FSTL4: variants seen among roughly 807,000 people sequenced by gnomAD.
FSTL4 encodes the protein follistatin-related protein 4.
Under a neutral mutation model 78.2 loss-of-function variants are expected in FSTL4, and 28 were observed. That is an observed-to-expected ratio of 0.36 (90% CI 0.27 to 0.49). The LOEUF (loss-of-function observed/expected upper bound fraction) is 0.49. FSTL4 is among the 20% of genes least tolerant of loss of function. FSTL4 has a pLI of 0.98. For missense variants in FSTL4, 922 were observed against 1,084.9 expected, an observed-to-expected ratio of 0.85 and a Z score of 2.11; for synonymous variants, 422 against 440.5, an observed-to-expected ratio of 0.96 and a Z score of 0.53.
intron 6 of FSTL4, among the ~76,000 whole-genome samples, chr5:133,312,222 G>A (rs1753801832): frequency 6.6e-6 from 1 of 152,122 alleles, no homozygotes; most frequent in African/African-American, 2.4e-5. Flanking sequence ...GGTAGTCACT[G>A]CTCCCTGCCG....
intron 3 of FSTL4, among the ~76,000 whole-genome samples, chr5:133,460,828 C>T (rs535448898): frequency 7.2e-5 from 11 of 152,378 alleles, no homozygotes; most frequent in African/African-American, 2.6e-4. Flanking sequence ...CCTTCCAACT[C>T]TTGCATGCTC....
chr5:133,358,970 G>C (rs1476897656), intron 4 of FSTL4, among the ~76,000 whole-genome samples: 1 of 152,172 alleles, frequency 6.6e-6, no homozygotes, highest in African/African-American at 2.4e-5. Flanking sequence ...CCAACATGCA[G>C]AGTGAGCATT....
At chr5:133,517,422 CAAAA>C (rs34374583) in intron 3 of FSTL4, among the ~76,000 whole-genome samples, 5 of 10,606 alleles carry the variant, frequency 4.7e-4, no homozygotes, top group African/African-American at 1.5e-3. Context: ...GACTCCATCT[CAAAA>C]AAAAAAAAAA....
chr5:133,791,278 G>GCA, the FSTL4 span, among the ~76,000 whole-genome samples: 26,043 of 148,670 alleles, frequency 0.18, 2,198 homozygotes, highest in African/African-American at 0.18. Context: ...ACATGTGCGT[G>GCA]CACACACACA....
At chr5:133,500,362 G>C (rs1758467495) in intron 3 of FSTL4, among the ~76,000 whole-genome samples, 3 of 152,172 alleles carry the variant, frequency 2.0e-5, no homozygotes, top group Admixed American at 1.3e-4. Flanking sequence ...ACTTGGGCCT[G>C]TCACCCTGCC....
chr5:133,420,325 C>T (rs534728026), intron 3 of FSTL4, among the ~76,000 whole-genome samples: 16 of 152,300 alleles, frequency 1.1e-4, no homozygotes, highest in Non-Finnish European at 4.4e-5. Context: ...ATGGTATATA[C>T]ATGTGCTGAA....
intron 3 of FSTL4, among the ~76,000 whole-genome samples, chr5:133,560,351 C>G (rs372871312): frequency 1.2e-4 from 19 of 152,256 alleles, no homozygotes; most frequent in East Asian, 9.7e-4. Flanking sequence ...CACCAGTGCT[C>G]AGAAAGCCCC....
intron 3 of FSTL4, among the ~76,000 whole-genome samples, chr5:133,487,417 T>G (rs1244797494): frequency 6.6e-6 from 1 of 152,198 alleles, no homozygotes; most frequent in Non-Finnish European, 1.5e-5. Context: ...ACTCTGAGGT[T>G]CAGCATCACT....
intron 2 of FSTL4, among the ~76,000 whole-genome samples, chr5:133,593,432 C>T (rs1044492914): frequency 2.0e-5 from 3 of 152,002 alleles, no homozygotes; most frequent in African/African-American, 7.2e-5. Context: ...AAGGAGGGGG[C>T]TGGTGGAGGT....
intron 3 of FSTL4, among the ~76,000 whole-genome samples, chr5:133,481,155 G>A (rs1286874950): frequency 6.6e-6 from 1 of 152,210 alleles, no homozygotes; most frequent in Non-Finnish European, 1.5e-5. Flanking sequence ...CATGAGCAGT[G>A]AGCATGTTGC....
At chr5:133,777,764 G>C in the FSTL4 span, among the ~76,000 whole-genome samples, 1 of 152,202 alleles carries the variant, frequency 6.6e-6, no homozygotes. Flanking sequence ...AGCATTAATA[G>C]TAGATCCTAA....
At chr5:133,660,236 A>T in the FSTL4 span, among the ~76,000 whole-genome samples, 1 of 152,052 alleles carries the variant, frequency 6.6e-6, no homozygotes, top group South Asian at 2.1e-4. Context: ...GAAGAAGGAG[A>T]CCCTCTCCTT....
chr5:133,796,026 C>T, the FSTL4 span, among the ~76,000 whole-genome samples: 1 of 152,206 alleles, frequency 6.6e-6, no homozygotes, highest in African/African-American at 2.4e-5. Flanking sequence ...GGTCACTAGT[C>T]CTTCTGCTCT....
At chr5:133,602,347 G>C (rs1173930276) in intron 2 of FSTL4, among the ~76,000 whole-genome samples, 1 of 152,138 alleles carries the variant, frequency 6.6e-6, no homozygotes, top group East Asian at 1.9e-4. Flanking sequence ...CAAAGAATTA[G>C]GGTGTTAACA....
intron 3 of FSTL4, among the ~76,000 whole-genome samples, chr5:133,499,572 C>A (rs771995153): frequency 6.6e-6 from 1 of 152,184 alleles, no homozygotes; most frequent in Non-Finnish European, 1.5e-5. Flanking sequence ...GGTTGCAGTT[C>A]AGCTGAAATG....
intron 3 of FSTL4, among the ~76,000 whole-genome samples, chr5:133,525,979 G>C (rs890553113): frequency 6.6e-6 from 1 of 152,132 alleles, no homozygotes; most frequent in Non-Finnish European, 1.5e-5. Context: ...TGGGTGCTAG[G>C]GTCATGGGGG....
the FSTL4 span, among the ~76,000 whole-genome samples, chr5:133,752,596 C>A: frequency 1.8e-3 from 268 of 151,852 alleles, 1 homozygote; most frequent in Non-Finnish European, 3.3e-3. Flanking sequence ...GGCGACAGAG[C>A]GAGGCTCTGT....
intron 4 of FSTL4, among the ~76,000 whole-genome samples, chr5:133,332,178 A>C (rs17627463): frequency 6.6e-6 from 1 of 152,198 alleles, no homozygotes; most frequent in African/African-American, 2.4e-5. Context: ...GATTCCAGAC[A>C]CATCTCAGCC....
At chr5:133,827,067 G>A in the FSTL4 span, among the ~76,000 whole-genome samples, 8 of 152,202 alleles carry the variant, frequency 5.3e-5, no homozygotes, top group Non-Finnish European at 7.3e-5. Context: ...CCGTAAAGAC[G>A]GCCTGCAGAG....
Sources: gnomAD v4.1 joint callset for allele counts (sites outside exome capture counted in the v4.1 genomes callset) on GRCh38, gnomAD v4.1.1 for gene constraint, MANE v1.5 for transcripts, NCBI Gene and HGNC (gene_info 2026-07-23, HGNC 2026-07-21) for gene names.